GRAMD2B: variants seen among roughly 807,000 people sequenced by gnomAD.
The protein encoded by GRAMD2B is GRAM domain-containing protein 2B.
Under a neutral mutation model 59.2 loss-of-function variants are expected in GRAMD2B, and 41 were observed. The ratio of observed to expected loss-of-function variants is 0.69; its 90% CI spans 0.54 to 0.90. The LOEUF is 0.90. Ranked by LOEUF, GRAMD2B falls within the 40% of genes least tolerant of loss-of-function variation. GRAMD2B has a pLI of 0.00. For synonymous variants in GRAMD2B, 161 were observed against 182.7 expected (o/e 0.88, Z 0.96); for missense variants, 424 against 500.5 (o/e 0.85, Z 1.46).
At chr5:126,416,690 T>A (rs1759295565) in intron 1 of GRAMD2B, among the ~76,000 whole-genome samples, 1 of 152,098 alleles carries the variant, frequency 6.6e-6, no homozygotes, top group Non-Finnish European at 1.5e-5. Flanking sequence ...TTCTTTCCAT[T>A]CTTAAAATAT....
At chr5:126,399,659 G>T (rs1290782108) in intron 1 of GRAMD2B, among the ~76,000 whole-genome samples, 1 of 152,120 alleles carries the variant, frequency 6.6e-6, no homozygotes, top group Non-Finnish European at 1.5e-5. Context: ...TTATAGCAGT[G>T]TGAAAATGGG....
At chr5:126,360,490 C>A in intron 1 of GRAMD2B, 2 of 1,545,254 alleles carry the variant, frequency 1.3e-6, no homozygotes, top group South Asian at 2.4e-5. Flanking sequence ...CTGGAAAAAC[C>A]ATTTGGGAGT....
chr5:126,479,757 T>G (rs1334508761), intron 6 of GRAMD2B, among the ~76,000 whole-genome samples: 1 of 152,158 alleles, frequency 6.6e-6, no homozygotes, highest in Admixed American at 6.5e-5. Flanking sequence ...CACAAACTCA[T>G]GGAAAGGAGG....
chr5:126,461,027 T>G (rs924986992), intron 1 of GRAMD2B, among the ~76,000 whole-genome samples: 1 of 152,208 alleles, frequency 6.6e-6, no homozygotes, highest in African/African-American at 2.4e-5. Flanking sequence ...TTAGCTTAGA[T>G]TAACATGTGG....
At position 126,488,784 on chromosome 5, in the gene GRAMD2B, T is replaced by C. The variant is rs761610416; in HGVS notation, c.1164-15T>C. On this transcript the variant is annotated splice_polypyrimidine_tract_variant and intron_variant, in intron 12 of 13. Transcript: ENST00000285689. ...TCATCCCTGCCCATAATAATTTTTC[T>C]CTTTTTTCTTACAGACAGGCAGCAC... The C allele has an allele frequency of 5.7e-6, 9 of 1,592,254 alleles. No homozygotes were observed. Among genetic ancestry groups the C allele is most frequent in the Non-Finnish European group, 7.7e-6 (9 of 1,161,484 alleles).
At position 126,423,462 on chromosome 5, in the gene GRAMD2B, C is replaced by A. The variant is rs1191992658; in HGVS notation, c.-145C>A. The A allele has an allele frequency of 2.1e-6, 3 of 1,432,768 alleles. No homozygotes were observed. The highest frequency in any genetic ancestry group is 6.8e-5 in the Admixed American group (2 of 29,560). 88.8% of individuals were successfully genotyped at this position (1,432,768 alleles called of 1,614,324 possible). ...CCGCGGCCCCGGGAGCTTGGCGCGG[C>A]CCGGCCTGGATGCGCTGGGCGGAGG... On this transcript the variant is annotated 5_prime_UTR_variant, in exon 1 of 14. Coordinates refer to ENST00000285689, the MANE Select transcript of GRAMD2B (RefSeq NM_023927.4).
chr5:126,361,045 A>G (rs1200816243), intron 1 of GRAMD2B, among the ~76,000 whole-genome samples: 1 of 152,134 alleles, frequency 6.6e-6, no homozygotes, highest in African/African-American at 2.4e-5. Context: ...TTTGCTTTTT[A>G]CTTTAAATTT....
chr5:126,390,690 T>C (rs1756649976), intron 1 of GRAMD2B, among the ~76,000 whole-genome samples: 1 of 152,204 alleles, frequency 6.6e-6, no homozygotes, highest in Non-Finnish European at 1.5e-5. Context: ...ATTCTGCTAG[T>C]CAATTCTTGA....
At chr5:126,484,296 CA>C in intron 9 of GRAMD2B, 105 bp from the exon 10 acceptor site, 1 of 1,307,140 alleles carries the variant, frequency 7.7e-7, no homozygotes, top group Non-Finnish European at 1.0e-6. Context: ...CATCCATTCA[CA>C]TTCTTGACCA....
At chr5:126,480,144 C>A (rs1285018925) in intron 6 of GRAMD2B, 1 of 255,056 alleles carries the variant, frequency 3.9e-6, no homozygotes. Flanking sequence ...TTCTTAATGT[C>A]CAGGCCTTTT....
At chr5:126,466,462 G>C in intron 2 of GRAMD2B, 1 of 662,004 alleles carries the variant, frequency 1.5e-6, no homozygotes, top group Non-Finnish European at 2.7e-6. Flanking sequence ...GTCTCGCTCT[G>C]TCATCCAGGC....
intron 2 of GRAMD2B, chr5:126,466,442 T>TC: frequency 1.5e-6 from 1 of 675,972 alleles, no homozygotes; most frequent in Non-Finnish European, 2.7e-6. Context: ...TTTTTTTTTT[T>TC]CCAGTCGGAG....
chr5:126,365,178 T>TA (rs1383140619), intron 1 of GRAMD2B, among the ~76,000 whole-genome samples: 1 of 152,136 alleles, frequency 6.6e-6, no homozygotes, highest in Non-Finnish European at 1.5e-5. Flanking sequence ...TTTTGTAAAC[T>TA]AAAAAAGCAG....
intron 4 of GRAMD2B, 36 bp downstream of exon 4, chr5:126,472,340 A>G (rs765488228): frequency 1.3e-6 from 2 of 1,546,770 alleles, no homozygotes; most frequent in Non-Finnish European, 1.8e-6. Flanking sequence ...TAAGCTACAT[A>G]TTTGAAAAGT....
chr5:126,459,404 T>C (rs1030001242), intron 1 of GRAMD2B, among the ~76,000 whole-genome samples: 3 of 152,166 alleles, frequency 2.0e-5, no homozygotes, highest in African/African-American at 7.2e-5. Context: ...CCACCATACC[T>C]GGCTTCCACT....
At chr5:126,474,442 G>C (rs1435796261) in intron 5 of GRAMD2B, among the ~76,000 whole-genome samples, 2 of 152,120 alleles carry the variant, frequency 1.3e-5, no homozygotes, top group Non-Finnish European at 2.9e-5. Flanking sequence ...ATCATATAGA[G>C]CTATGTTTAG....
chr5:126,392,212 G>A (rs1471050354), intron 1 of GRAMD2B, among the ~76,000 whole-genome samples: 2 of 152,080 alleles, frequency 1.3e-5, no homozygotes, highest in Non-Finnish European at 2.9e-5. Flanking sequence ...TGTTCCCCAA[G>A]ACCAGCCACA....
In GRAMD2B at chr5:126,481,210, AGAAAGAAAG is replaced by A. The variant is rs1561598734; in HGVS notation, c.735+504_735+512del. Among the ~76,000 whole-genome samples, 18 of 12,120 alleles carry A rather than the reference AGAAAGAAAG, an allele frequency of 1.5e-3. 1 individual carries two copies. In the East Asian group the frequency reaches 0.018, roughly 12 times the overall value. 8.0% of individuals were successfully genotyped at this position (12,120 alleles called of 152,430 possible). ...TAACTGTAAAAAAAAAAAAAAAGAA[AGAAAGAAAG>A]AAAGAAAGAAAGAAAGAAAGAAAGA... On this transcript the variant is annotated intron_variant, in intron 8 of 13. Transcript: ENST00000285689.
intron 13 of GRAMD2B, among the ~76,000 whole-genome samples, chr5:126,489,554 C>T (rs1773557441): frequency 1.3e-5 from 2 of 152,168 alleles, no homozygotes; most frequent in South Asian, 4.1e-4. Flanking sequence ...CAGAATTCAG[C>T]TTTAGGCTTT....
Sources: allele counts gnomAD v4.1 joint callset (sites outside exome capture counted in the v4.1 genomes callset), GRCh38; gene constraint gnomAD v4.1.1; transcripts MANE v1.5; gene names NCBI Gene and HGNC (gene_info 2026-07-23, HGNC 2026-07-21).